Variants in DNMBP observed in about 807,000 individuals in gnomAD.
The protein encoded by DNMBP is dynamin-binding protein.
Under a neutral mutation model 150.0 loss-of-function variants are expected in DNMBP, and 87 were observed. The ratio of observed to expected loss-of-function variants is 0.58; its 90% CI spans 0.49 to 0.69. The LOEUF (loss-of-function observed/expected upper bound fraction) is 0.69, where lower values mean the gene tolerates loss of function less well. DNMBP is among the 30% of genes least tolerant of loss of function. The pLI is 0.00. For synonymous variants in DNMBP, 711 were observed against 750.4 expected (o/e 0.95, Z 0.86); for missense variants, 1,774 against 1,949.0 (o/e 0.91, Z 1.69).
In DNMBP at chr10:99,880,355, T is replaced by C. The variant is rs754657865; in HGVS notation, c.4004A>G (p.Lys1335Arg). Residue 1335 changes from lysine to arginine, a missense_variant, in exon 16 of 17, where the codon AAA becomes AGA. Physicochemically the swap from Lys to Arg is conservative, Grantham distance 26 (BLOSUM62 2). Coordinates refer to ENST00000324109, the MANE Select transcript of DNMBP (RefSeq NM_015221.4). ...TAGGAAAGAGCTGTACACGAAGCCT[T>C]TGGTGACTACAAAGGAAACAGGAAA... The part of the protein sequence containing the change: ...NRWLIDNGVT[K>R]GFVYSSFLKP... 42 of 1,585,240 alleles carry C rather than the reference T, an allele frequency of 2.6e-5. No individual in the cohort carries two copies. The highest frequency in any genetic ancestry group is 3.5e-5 in the Non-Finnish European group (41 of 1,166,374).
intron 6 of DNMBP, among the ~76,000 whole-genome samples, chr10:99,903,101 ATTTT>A (rs35462310): frequency 2.2e-5 from 3 of 134,418 alleles, no homozygotes; most frequent in Non-Finnish European, 4.8e-5. Context: ...CACCTGGGCA[ATTTT>A]TTTTTTTTTT....
chr10:99,914,642 A>T (rs544286186), intron 4 of DNMBP, among the ~76,000 whole-genome samples: 1 of 152,330 alleles, frequency 6.6e-6, no homozygotes, highest in Admixed American at 6.5e-5. Flanking sequence ...CACATCTTCC[A>T]AACATTTACA....
chr10:99,904,267 A>C (rs964943584), intron 6 of DNMBP, among the ~76,000 whole-genome samples: 3 of 152,042 alleles, frequency 2.0e-5, no homozygotes, highest in African/African-American at 7.2e-5. Context: ...AAAAAAGGAA[A>C]ACACTGGACA....
chr10:99,900,637 C>CTT (rs754325936), intron 6 of DNMBP, among the ~76,000 whole-genome samples: 3 of 148,756 alleles, frequency 2.0e-5, no homozygotes, highest in Non-Finnish European at 4.5e-5. Flanking sequence ...CCCTCAGTTT[C>CTT]TTATTTTTTT....
chr10:99,941,350 A>C (rs1185354102), intron 4 of DNMBP, among the ~76,000 whole-genome samples: 1 of 152,214 alleles, frequency 6.6e-6, no homozygotes, highest in Non-Finnish European at 1.5e-5. Context: ...ATTAACTGGC[A>C]CACAGCAGGA....
At position 99,993,816 on chromosome 10, in the gene DNMBP, A is replaced by G. The variant is rs1019301830; in HGVS notation, c.-11+16022T>C. On this transcript the variant is annotated intron_variant, in intron 1 of 16. Coordinates refer to ENST00000324109, the MANE Select transcript of DNMBP (RefSeq NM_015221.4). ...AGACCCTGTCTTTAAAAAAACTGTG[A>G]AGGTAGAAAAAAAATAGAGAAGGCA... Among the ~76,000 whole-genome samples, 22 of 152,240 alleles carry G rather than the reference A, an allele frequency of 1.4e-4. No individual in the cohort carries two copies. In the East Asian group the frequency reaches 4.1e-3, roughly 28 times the overall value.
At chr10:99,890,700 G>GC (rs547647200) in intron 11 of DNMBP, among the ~76,000 whole-genome samples, 249 of 152,338 alleles carry the variant, frequency 1.6e-3, no homozygotes, top group African/African-American at 5.6e-3. Context: ...AGGTTGGAGT[G>GC]CAATGGCATG....
At chr10:99,904,645 A>G (rs2039797627) in intron 6 of DNMBP, among the ~76,000 whole-genome samples, 1 of 151,806 alleles carries the variant, frequency 6.6e-6, no homozygotes, top group African/African-American at 2.4e-5. Context: ...TCCCTCCTCT[A>G]AAAATTAGTC....
intron 10 of DNMBP, 96 bp downstream of exon 10, chr10:99,896,171 G>A (rs2039649772): frequency 2.8e-6 from 4 of 1,430,626 alleles, no homozygotes; most frequent in Non-Finnish European, 3.8e-6. Context: ...GACGTCTGAG[G>A]AAGGGAACCA....
Position 99,898,075 on chromosome 10 carries a change from G to A in DNMBP, c.2920+11C>T. The A allele has an allele frequency of 6.2e-7, 1 of 1,609,536 alleles. No individual in the cohort carries two copies. Among genetic ancestry groups the A allele is most frequent in the South Asian group, 1.1e-5 (1 of 90,978 alleles). ...GGCATACCTCCTTTTCAGCAATTAT[G>A]CTGTTCTTACCCAGGTCCTTTCGCC... On this transcript the variant is annotated intron_variant, in intron 9 of 16. Transcript: ENST00000324109.
chr10:99,926,889 T>C (rs954555891), intron 4 of DNMBP: 1 of 152,174 alleles, frequency 6.6e-6, no homozygotes, highest in Non-Finnish European at 1.5e-5. Flanking sequence ...GGAGGTTCAA[T>C]AAACACTTCC....
At chr10:99,929,452 T>C (rs2040120795) in intron 4 of DNMBP, among the ~76,000 whole-genome samples, 1 of 152,184 alleles carries the variant, frequency 6.6e-6, no homozygotes, top group South Asian at 2.1e-4. Context: ...CCTTCCAAAG[T>C]AATTAAATCT....
At chr10:99,945,028 T>C (rs2040341655) in intron 4 of DNMBP, among the ~76,000 whole-genome samples, 1 of 152,202 alleles carries the variant, frequency 6.6e-6, no homozygotes, top group Non-Finnish European at 1.5e-5. Flanking sequence ...TGAGTTCCGA[T>C]ACCTTGGTCA....
chr10:99,929,839 C>T (rs1018036486), intron 4 of DNMBP: 1 of 702,842 alleles, frequency 1.4e-6, no homozygotes, highest in Non-Finnish European at 2.6e-6. Context: ...ATCCTGCTGC[C>T]CCCATGTGCC....
At chr10:99,952,382 C>T (rs1301213750) in intron 4 of DNMBP, among the ~76,000 whole-genome samples, 1 of 152,206 alleles carries the variant, frequency 6.6e-6, no homozygotes, top group Non-Finnish European at 1.5e-5. Flanking sequence ...ATGTAACACT[C>T]AGCCAAGGTT....
rs760330206 is a variant in DNMBP, at chr10:99,956,016, A to G, written c.1458T>C (p.Ala486=). The change falls in exon 4 of 17, where the codon GCT becomes GCC. Residue 486 remains alanine, a synonymous_variant. Coordinates refer to ENST00000324109, the MANE Select transcript of DNMBP (RefSeq NM_015221.4). ...LPLYRGSSVS[A]SRVVKPRQSS... ...ATTGTCTGGGTTTGACTACCCTTGA[A>G]GCTGAAACAGAAGAGCCCCTGTAAA... is the stretch of plus-strand genomic sequence containing the variant. The G allele has an allele frequency of 4.3e-6, 7 of 1,614,202 alleles. No homozygotes were observed. The East Asian group carries it at 6.7e-5, about 15-fold the overall frequency.
chr10:99,981,504 A>G (rs1353639686), intron 1 of DNMBP, among the ~76,000 whole-genome samples: 1 of 152,126 alleles, frequency 6.6e-6, no homozygotes, highest in African/African-American at 2.4e-5. Flanking sequence ...TAAGCAACAT[A>G]TCTTCAAGTC....
At chr10:99,893,010 A>G (rs2039596708) in intron 11 of DNMBP, among the ~76,000 whole-genome samples, 1 of 152,240 alleles carries the variant, frequency 6.6e-6, no homozygotes, top group South Asian at 2.1e-4. Flanking sequence ...ATGCCAGAAT[A>G]TAGGTAAGTC....
intron 14 of DNMBP, among the ~76,000 whole-genome samples, chr10:99,885,417 G>A (rs2039440999): frequency 1.3e-5 from 2 of 152,168 alleles, no homozygotes; most frequent in Admixed American, 6.5e-5. Context: ...GGCTGAAGCA[G>A]GAGAATTCAC....
Sources: gnomAD v4.1 joint callset for allele counts (sites outside exome capture counted in the v4.1 genomes callset) on GRCh38, gnomAD v4.1.1 for gene constraint, MANE v1.5 for transcripts, NCBI Gene and HGNC (gene_info 2026-07-23, HGNC 2026-07-21) for gene names.